ACVR1B: variants seen among roughly 807,000 people sequenced by gnomAD.
The protein encoded by ACVR1B is activin A receptor type 1B.
ACVR1B carries 15 observed loss-of-function variants against 55.6 expected under a neutral mutation model. The observed-to-expected ratio is 0.27, with a 90% CI of 0.18 to 0.42. ACVR1B has a LOEUF of 0.42. ACVR1B is among the 10% of genes least tolerant of loss of function. ACVR1B has a pLI of 1.00. For synonymous variants in ACVR1B, 247 were observed against 254.6 expected, an observed-to-expected ratio of 0.97 and a Z score of 0.28; for missense variants, 359 against 670.1, an observed-to-expected ratio of 0.54 and a Z score of 5.13.
intron 4 of ACVR1B, among the ~76,000 whole-genome samples, chr12:51,981,892 C>T (rs12322790): frequency 3.0e-4 from 46 of 152,062 alleles, no homozygotes; most frequent in African/African-American, 1.1e-3. Context: ...TGAGGAATTG[C>T]GGCCTCAACC....
In ACVR1B at chr12:51,951,738, GT is replaced by G; in HGVS notation, c.-4del. On this transcript the variant is annotated 5_prime_UTR_variant, in exon 1 of 9. Transcript: ENST00000257963. Reference sequence around the variant, plus strand: ...TGCGGCGGCGGCGGCGGCGGCGGTGGTTACTATGGCGGAGTCGGCCGGAGCC... The same window carrying G: ...TGCGGCGGCGGCGGCGGCGGCGGTGGTACTATGGCGGAGTCGGCCGGAGCC... The G allele has an allele frequency of 1.6e-6, 2 of 1,250,032 alleles. No homozygotes were observed. Among genetic ancestry groups the G allele is most frequent in the African/African-American group, 1.6e-5 (1 of 64,150 alleles). 77.4% of individuals were successfully genotyped at this position (1,250,032 alleles called of 1,614,324 possible).
chr12:51,976,095 A>G (rs1941846531), intron 2 of ACVR1B, among the ~76,000 whole-genome samples: 1 of 152,154 alleles, frequency 6.6e-6, no homozygotes, highest in African/African-American at 2.4e-5. Context: ...GCGTGAGGTG[A>G]CAAAGTGGGT....
At chr12:51,972,567 G>A (rs1218523262) in intron 1 of ACVR1B, among the ~76,000 whole-genome samples, 1 of 152,126 alleles carries the variant, frequency 6.6e-6, no homozygotes, top group African/African-American at 2.4e-5. Context: ...ATTGCCTAAC[G>A]CTGCACATTA....
Position 51,976,548 on chromosome 12 carries a change from G to C in ACVR1B, c.553G>C (p.Asp185His), listed in dbSNP as rs751639355. 1 of 1,613,652 alleles carries C rather than the reference G, an allele frequency of 6.2e-7. No individual in the cohort carries two copies. The highest frequency in any genetic ancestry group is 1.1e-5 in the South Asian group (1 of 91,050). Residue 185 changes from aspartate to histidine, a missense_variant, in exon 3 of 9, where the codon GAT becomes CAT. Around this residue, in one of 5 missense-constraint regions of ACVR1B, gnomAD observed 133 missense variants for 188.2 expected, o/e 0.71. Transcript: ENST00000257963. ...KDKTLQDLVY[D>H]LSTSGSGSGL... ...CAAGACGCTCCAGGATCTTGTCTAC[G>C]ATCTCTCCACCTCAGGGTCTGGCTC...
At chr12:51,993,941 C>T (rs1942246570) in intron 8 of ACVR1B, 44 bp from the exon 9 acceptor site, 8 of 1,609,454 alleles carry the variant, frequency 5.0e-6, no homozygotes, top group Non-Finnish European at 5.9e-6. Flanking sequence ...AGAAAGGCTT[C>T]TCCAGGGCAT....
intron 1 of ACVR1B, among the ~76,000 whole-genome samples, chr12:51,956,452 A>G (rs563737360): frequency 3.9e-5 from 6 of 152,322 alleles, no homozygotes; most frequent in East Asian, 1.9e-4. Context: ...TATAATTGCA[A>G]TGGCTTAGAC....
chr12:51,977,957 A>G (rs1941900129), intron 3 of ACVR1B, among the ~76,000 whole-genome samples: 1 of 152,000 alleles, frequency 6.6e-6, no homozygotes, highest in South Asian at 2.1e-4. Context: ...GCGTGTTTTT[A>G]TGTATGTTTC....
At position 51,975,251 on chromosome 12, in the gene ACVR1B, C is replaced by T. The variant is rs200399433; in HGVS notation, c.92-14C>T. On this transcript the variant is annotated splice_polypyrimidine_tract_variant and intron_variant, in intron 1 of 8. Transcript: ENST00000257963. ...CACCATTGATGTCAATGTCTGCTCC[C>T]CAATTTCCTGCAGCTCTGCTGTGTG... 1 of 1,603,076 alleles carries T rather than the reference C, an allele frequency of 6.2e-7. No homozygotes were observed. The highest frequency in any genetic ancestry group is 2.2e-5 in the East Asian group (1 of 44,642).
intron 8 of ACVR1B, 104 bp from the exon 9 acceptor site, chr12:51,993,881 G>A: frequency 7.0e-7 from 1 of 1,420,614 alleles, no homozygotes; most frequent in Non-Finnish European, 9.4e-7. Flanking sequence ...GGATCTGCCA[G>A]ACTGCACTGA....
rs536438800 is a variant in ACVR1B, at chr12:51,972,688, A to G, written c.92-2577A>G. On this transcript the variant is annotated intron_variant, in intron 1 of 8. Transcript: ENST00000257963. ...TTGAGCCTTTCTGACCTGTCCTGCTATGATCCCCACTGTGGCTACTAGTGA... is the reference window on the plus strand; with the variant it reads ...TTGAGCCTTTCTGACCTGTCCTGCTGTGATCCCCACTGTGGCTACTAGTGA... 1.5e-4 allele frequency among the ~76,000 whole-genome samples: 23 copies of G among 152,324 alleles called. No homozygotes were observed. In the South Asian group the frequency reaches 3.9e-3, roughly 26 times the overall value.
At chr12:51,979,579 A>G (rs1941939415) in intron 3 of ACVR1B, among the ~76,000 whole-genome samples, 1 of 152,146 alleles carries the variant, frequency 6.6e-6, no homozygotes, top group Non-Finnish European at 1.5e-5. Context: ...AGACAAAGGC[A>G]TGAAGGTCCA....
intron 7 of ACVR1B, chr12:51,987,254 T>G: frequency 1.6e-6 from 1 of 624,082 alleles, no homozygotes; most frequent in South Asian, 2.0e-5. Flanking sequence ...TAGCACGGGA[T>G]TCATGCAGTG....
chr12:51,951,958 G>C (rs940671083), intron 1 of ACVR1B, 124 bp downstream of exon 1: 2 of 499,862 alleles, frequency 4.0e-6, no homozygotes, highest in Non-Finnish European at 6.1e-6. Context: ...CCGGGTGGGG[G>C]GCGCAGAGGA....
At chr12:51,993,944 C>T (rs1942246614) in intron 8 of ACVR1B, 41 bp from the exon 9 acceptor site, 1 of 1,610,026 alleles carries the variant, frequency 6.2e-7, no homozygotes, top group Non-Finnish European at 8.5e-7. Flanking sequence ...AAGGCTTCTC[C>T]AGGGCATGAC....
intron 5 of ACVR1B, among the ~76,000 whole-genome samples, chr12:51,984,391 A>T (rs1592258664): frequency 6.6e-6 from 1 of 152,322 alleles, no homozygotes; most frequent in Non-Finnish European, 1.5e-5. Context: ...ACCCTATAAT[A>T]TCAATATTCA....
intron 7 of ACVR1B, 61 bp downstream of exon 7, chr12:51,987,003 C>T: frequency 1.9e-6 from 3 of 1,610,590 alleles, no homozygotes; most frequent in Non-Finnish European, 2.5e-6. Context: ...TCACCCAAAG[C>T]TGTTTTACTG....
At position 51,976,519 on chromosome 12, in the gene ACVR1B, A is replaced by G; in HGVS notation, c.524A>G (p.Lys175Arg). The part of the protein sequence containing the change: ...EDPSCEMCLS[K>R]DKTLQDLVYD... Reference sequence around the variant, plus strand: ...CCCTCATGTGAGATGTGTCTCTCCAAAGACAAGACGCTCCAGGATCTTGTC... The same window carrying G: ...CCCTCATGTGAGATGTGTCTCTCCAGAGACAAGACGCTCCAGGATCTTGTC... Residue 175 changes from lysine to arginine, a missense_variant, in exon 3 of 9, where the codon AAA becomes AGA. Lys to Arg is a conservative substitution (Grantham distance 26). Around this residue, in one of 5 missense-constraint regions of ACVR1B, gnomAD observed 133 missense variants for 188.2 expected, o/e 0.71. Transcript: ENST00000257963. The G allele has an allele frequency of 6.2e-7, 1 of 1,614,028 alleles. No homozygotes were observed.
chr12:51,961,771 A>G (rs548636674), intron 1 of ACVR1B, among the ~76,000 whole-genome samples: 1 of 152,342 alleles, frequency 6.6e-6, no homozygotes, highest in East Asian at 1.9e-4. Context: ...TCAACAAAGA[A>G]AACAGTGGTT....
chr12:51,979,110 C>T (rs965423854), intron 3 of ACVR1B, among the ~76,000 whole-genome samples: 4 of 150,042 alleles, frequency 2.7e-5, no homozygotes, highest in Admixed American at 2.7e-4. Flanking sequence ...TTGCAGTGAG[C>T]CCAGATCATG....
Sources: allele counts gnomAD v4.1 joint callset (sites outside exome capture counted in the v4.1 genomes callset), GRCh38; gene constraint gnomAD v4.1.1; regional missense constraint gnomAD v4.1.1; transcripts MANE v1.5; gene names NCBI Gene and HGNC (gene_info 2026-07-23, HGNC 2026-07-21).